The following DSCAM variants were observed in gnomAD, a reference collection of about 807,000 sequenced individuals.
DSCAM encodes cell adhesion molecule DSCAM.
In DSCAM, 47 loss-of-function variants were observed where a neutral mutation model predicts 217.7. The ratio of observed to expected loss-of-function variants is 0.22; its 90% CI spans 0.17 to 0.28. The LOEUF (loss-of-function observed/expected upper bound fraction) is 0.28, where lower values mean the gene tolerates loss of function less well. Ranked by LOEUF, DSCAM falls within the 10% of genes least tolerant of loss-of-function variation. DSCAM has a pLI of 1.00. For missense variants in DSCAM, 2,080 were observed against 2,618.3 expected (o/e 0.79, Z 4.49); for synonymous variants, 1,056 against 1,015.3 (o/e 1.04, Z -0.76).
Position 40,093,710 on chromosome 21 carries a change from C to CCA in DSCAM, c.3850+9_3850+10dup, listed in dbSNP as rs1467760489. ...ACAACAGGAAATGAGGTCCTTATAG[C>CCA]CACTGCCTACCTTTTGCTAGTGGCT... On this transcript the variant is annotated intron_variant, in intron 21 of 32. Coordinates refer to ENST00000400454, the MANE Select transcript of DSCAM (RefSeq NM_001389.5). 1.2e-6 allele frequency: 2 copies of CCA among 1,613,736 alleles called. No homozygotes were observed. Among genetic ancestry groups the CCA allele is most frequent in the East Asian group, 4.5e-5 (2 of 44,862 alleles).
intron 2 of DSCAM, among the ~76,000 whole-genome samples, chr21:40,694,093 C>T (rs2090571273): frequency 1.3e-5 from 2 of 152,144 alleles, no homozygotes; most frequent in African/African-American, 4.8e-5. Flanking sequence ...TACCAATAGC[C>T]AGAGATGGAT....
rs55717432 is a variant in DSCAM at position 40,455,708 on chromosome 21, G to T, written c.509-86463C>A. On this transcript the variant is annotated intron_variant, in intron 3 of 32. Transcript: ENST00000400454. Reference sequence around the variant, plus strand: ...CGGTTGAATCCAGGAGGTGGAGGTTGCAGTGAGCTGAAATCACCCCACTGC... The same window carrying T: ...CGGTTGAATCCAGGAGGTGGAGGTTTCAGTGAGCTGAAATCACCCCACTGC... Among the ~76,000 whole-genome samples the T allele has an allele frequency of 1.3e-3, 191 of 152,264 alleles. 1 individual carries two copies. Among genetic ancestry groups the T allele is most frequent in the African/African-American group, 4.2e-3 (175 of 41,566 alleles).
chr21:40,603,544 C>G (rs900052836), intron 3 of DSCAM, among the ~76,000 whole-genome samples: 3 of 152,160 alleles, frequency 2.0e-5, no homozygotes, highest in Non-Finnish European at 4.4e-5. Context: ...CTGACCCATG[C>G]TATTTTCTTC....
chr21:40,059,096 T>C (rs1163342992), intron 28 of DSCAM, among the ~76,000 whole-genome samples: 1 of 152,202 alleles, frequency 6.6e-6, no homozygotes, highest in African/African-American at 2.4e-5. Flanking sequence ...CTCCCAAATA[T>C]GACACAGAAC....
chr21:40,831,564 G>A (rs1460970745), intron 1 of DSCAM, among the ~76,000 whole-genome samples: 4 of 152,146 alleles, frequency 2.6e-5, no homozygotes, highest in Admixed American at 2.6e-4. Context: ...AAAATATTTT[G>A]ATTCTGATAT....
At chr21:40,273,272 A>AGTT in intron 11 of DSCAM, among the ~76,000 whole-genome samples, 1 of 152,180 alleles carries the variant, frequency 6.6e-6, no homozygotes, top group East Asian at 1.9e-4. Context: ...AAGATGGCAT[A>AGTT]GTTCTTCCTA....
At position 40,083,894 on chromosome 21, in the gene DSCAM, C is replaced by G; in HGVS notation, c.4231+14G>C. 1.3e-6 allele frequency: 2 copies of G among 1,599,056 alleles called. No homozygotes were observed. The highest frequency in any genetic ancestry group is 2.2e-5 in the South Asian group (2 of 89,410). ...CAACTAATCAACTATTGTGGACAAT[C>G]TATATCTTATTACCTCTGATAGAGC... On this transcript the variant is annotated intron_variant, in intron 24 of 32. Transcript: ENST00000400454.
chr21:40,580,183 G>C (rs1176974037), intron 3 of DSCAM, among the ~76,000 whole-genome samples: 1 of 151,338 alleles, frequency 6.6e-6, no homozygotes, highest in Non-Finnish European at 1.5e-5. Flanking sequence ...CCGAGTTCAA[G>C]CCATTCTCCT....
chr21:40,736,270 A>G lies in DSCAM; in HGVS notation c.44-27499T>C, dbSNP rs1327886050. ...ACCCAGGAGCTCTCCTCTGAAGCCC[A>G]TCATTTAGGGGGCTTTCTGGTGGTT... On this transcript the variant is annotated intron_variant, in intron 1 of 32. Coordinates refer to ENST00000400454, the MANE Select transcript of DSCAM (RefSeq NM_001389.5). Among the ~76,000 whole-genome samples, 4 of 152,136 alleles carry G rather than the reference A, an allele frequency of 2.6e-5. No homozygotes were observed. In the East Asian group the frequency reaches 7.7e-4, roughly 29 times the overall value.
chr21:40,013,372 A>G lies in DSCAM; in HGVS notation c.5701T>C (p.Leu1901=). ...KAHRPGDLIH[L]PPYLRMDFLL... is the part of the protein sequence containing the mutation. ...AAGTCCATTCTAAGGTATGGAGGCA[A>G]ATGTATGAGGTCACCTAGAAGGAAA... is the stretch of plus-strand genomic sequence containing the variant. Residue 1901 remains leucine, a synonymous_variant, in exon 33 of 33, where the codon TTG becomes CTG. Transcript: ENST00000400454. 6.4e-7 allele frequency: 1 copy of G among 1,567,748 alleles called. No individual in the cohort carries two copies. Among genetic ancestry groups the G allele is most frequent in the Non-Finnish European group, 8.6e-7 (1 of 1,157,786 alleles).
chr21:40,191,453 T>TC (rs1486647311), intron 11 of DSCAM, among the ~76,000 whole-genome samples: 1 of 152,148 alleles, frequency 6.6e-6, no homozygotes, highest in African/African-American at 2.4e-5. Context: ...GGCTGTACTG[T>TC]CCCCAGCCTT....
At chr21:40,846,565 G>GCC (rs41339251) in intron 1 of DSCAM, 54 bp downstream of exon 1, 28 of 227,542 alleles carry the variant, frequency 1.2e-4, no homozygotes, top group South Asian at 2.7e-4. Context: ...CCACCCCCCC[G>GCC]CCCCCCCGGT....
chr21:40,205,634 A>G (rs1287192455), intron 11 of DSCAM, among the ~76,000 whole-genome samples: 1 of 151,318 alleles, frequency 6.6e-6, no homozygotes, highest in Non-Finnish European at 1.5e-5. Flanking sequence ...TGTTCTCTTG[A>G]ACACAGAAAC....
chr21:40,145,031 G>GC (rs1447243146), intron 16 of DSCAM, among the ~76,000 whole-genome samples: 7 of 152,156 alleles, frequency 4.6e-5, no homozygotes, highest in Non-Finnish European at 1.0e-4. Context: ...TGGGTGTTGG[G>GC]CCCCAGAGCC....
chr21:40,315,819 T>C (rs2074190278), intron 8 of DSCAM, among the ~76,000 whole-genome samples: 1 of 152,206 alleles, frequency 6.6e-6, no homozygotes, highest in African/African-American at 2.4e-5. Flanking sequence ...CTGTCAGTTA[T>C]CTGATATCTT....
intron 1 of DSCAM, among the ~76,000 whole-genome samples, chr21:40,754,443 A>G (rs1362355570): frequency 6.6e-6 from 1 of 152,214 alleles, no homozygotes; most frequent in Non-Finnish European, 1.5e-5. Context: ...GTGAACAATA[A>G]AAGGAAGACG....
chr21:40,281,291 T>G (rs1056222209), intron 10 of DSCAM, among the ~76,000 whole-genome samples: 1 of 152,210 alleles, frequency 6.6e-6, no homozygotes, highest in African/African-American at 2.4e-5. Flanking sequence ...TCTTGAACTA[T>G]GTATTGGTAT....
rs146502815 is a variant in DSCAM at position 40,014,383 on chromosome 21, C to CAAACA, written c.5687-1002_5687-998dup. Among the ~76,000 whole-genome samples, 1,173 of 151,306 alleles carry CAAACA rather than the reference C, an allele frequency of 7.8e-3. 9 individuals are homozygous for CAAACA. Among genetic ancestry groups the CAAACA allele is most frequent in the African/African-American group, 0.021 (872 of 41,202 alleles). On this transcript the variant is annotated intron_variant, in intron 32 of 32. Coordinates refer to ENST00000400454, the MANE Select transcript of DSCAM (RefSeq NM_001389.5). ...CCAGCCTGGGTGACAGAGCAAGACT[C>CAAACA]AAACAAAACAAAACAAAACAAAACA...
At chr21:40,553,499 G>T (rs1265079044) in intron 3 of DSCAM, among the ~76,000 whole-genome samples, 2 of 152,182 alleles carry the variant, frequency 1.3e-5, no homozygotes, top group Admixed American at 6.5e-5. Context: ...CTGCAAGAAG[G>T]CCCCTGCATT....
Sources: allele counts gnomAD v4.1 joint callset (sites outside exome capture counted in the v4.1 genomes callset), GRCh38; gene constraint gnomAD v4.1.1; transcripts MANE v1.5; gene names NCBI Gene and HGNC (gene_info 2026-07-23, HGNC 2026-07-21).